Variants in DAP3 observed in about 807,000 individuals in gnomAD.
DAP3 encodes death associated protein 3, also known as small ribosomal subunit protein mS29.
In DAP3, 28 loss-of-function variants were observed where a neutral mutation model predicts 51.9. That is an observed-to-expected ratio of 0.54 (90% CI 0.40 to 0.74). The LOEUF (loss-of-function observed/expected upper bound fraction) is 0.74. DAP3 is among the 30% of genes least tolerant of loss of function. The pLI is 0.00. For synonymous variants in DAP3, 170 were observed against 170.3 expected (o/e 1.00, Z 0.01); for missense variants, 458 against 483.5 (o/e 0.95, Z 0.49).
chr1:155,738,368 C>G lies in DAP3; in HGVS notation c.*126C>G. On this transcript the variant is annotated 3_prime_UTR_variant, in exon 13 of 13. Transcript: ENST00000368336. ...CTTGTACCTATGGGATTGGACAGGA[C>G]TGCAGTTGGCTCTGGACCTGCATTA... is the stretch of plus-strand genomic sequence containing the variant. The G allele has an allele frequency of 1.1e-6, 1 of 905,736 alleles. No homozygotes were observed. The highest frequency in any genetic ancestry group is 1.7e-6 in the Non-Finnish European group (1 of 604,962). The allele number at this position is 905,736 out of a possible 1,614,324, so 56.1% of individuals were successfully genotyped here. A position where few individuals can be genotyped will look rare whatever the true frequency, so the allele number is the denominator to read the frequency against.
intron 4 of DAP3, among the ~76,000 whole-genome samples, chr1:155,723,265 C>G (rs533120113): frequency 1.4e-4 from 22 of 152,210 alleles, no homozygotes; most frequent in Middle Eastern, 3.4e-3. Context: ...TGGGCTCAAG[C>G]GATCCTCCTG....
intron 1 of DAP3, among the ~76,000 whole-genome samples, chr1:155,695,019 A>G (rs1384257079): frequency 1.3e-5 from 2 of 152,188 alleles, no homozygotes; most frequent in Admixed American, 1.3e-4. Context: ...GGCTCGCTCA[A>G]CAATCGCTTG....
chr1:155,704,491 G>T (rs1050677268), intron 1 of DAP3, among the ~76,000 whole-genome samples: 5 of 152,148 alleles, frequency 3.3e-5, no homozygotes, highest in African/African-American at 1.2e-4. Flanking sequence ...GGAGCACAGT[G>T]GGGCAGGTCA....
upstream of DAP3, chr1:155,688,961 T>TCGC (rs1388704331): frequency 1.9e-6 from 3 of 1,610,780 alleles, no homozygotes; most frequent in Non-Finnish European, 2.5e-6. Flanking sequence ...GCGCTGCGGC[T>TCGC]CGCCTCCTCC....
At chr1:155,707,262 A>C (rs1250260115) in intron 1 of DAP3, among the ~76,000 whole-genome samples, 1 of 151,578 alleles carries the variant, frequency 6.6e-6, no homozygotes, top group Non-Finnish European at 1.5e-5. Context: ...AAATACAAAA[A>C]ATTAGCGGGG....
At chr1:155,721,380 GTA>G (rs909574030) in intron 3 of DAP3, 135 bp from the exon 4 acceptor site, 53 of 392,748 alleles carry the variant, frequency 1.3e-4, no homozygotes, top group Middle Eastern at 7.4e-4. Flanking sequence ...GTATGTATGT[GTA>G]TATATATATG....
Position 155,729,351 on chromosome 1 carries a change from A to G in DAP3, c.828A>G (p.Arg276=), listed in dbSNP as rs1185667260. 1.9e-6 allele frequency: 3 copies of G among 1,613,460 alleles called. No individual in the cohort carries two copies. In the African/African-American group the frequency reaches 4.0e-5, roughly 22 times the overall value. Residue 276 remains arginine, a synonymous_variant, in exon 9 of 13, where the codon AGA becomes AGG. Coordinates refer to ENST00000368336, the MANE Select transcript of DAP3 (RefSeq NM_004632.4). ...NALWGRTTLK[R]EDKSPIAPEE... The stretch of plus-strand genomic sequence containing the variant: ...TTTGGGGAAGAACCACTCTGAAAAG[A>G]GAAGATAAAAGCCCGGTAGGAAAAC...
Position 155,735,124 on chromosome 1 carries a change from G to GA in DAP3, c.994-1813dup, listed in dbSNP as rs1039284619. On this transcript the variant is annotated intron_variant, in intron 11 of 12. Transcript: ENST00000368336. ...CCAAAAAATGAAAAAAAAAAAAAAA[G>GA]AAAAAAAAATTAGCCGGGCGTGGTG... Among the ~76,000 whole-genome samples, 31 of 142,996 alleles carry GA rather than the reference G, an allele frequency of 2.2e-4. 1 individual carries two copies. In the South Asian group the frequency reaches 6.0e-3, roughly 28 times the overall value. 93.8% of individuals were successfully genotyped at this position (142,996 alleles called of 152,430 possible). A position where few individuals can be genotyped will look rare whatever the true frequency, so the allele number is the denominator to read the frequency against.
At chr1:155,708,849 C>T (rs925033362) in intron 1 of DAP3, among the ~76,000 whole-genome samples, 17 of 151,756 alleles carry the variant, frequency 1.1e-4, no homozygotes, top group African/African-American at 3.6e-4. Context: ...GGACTACAGG[C>T]GCCCACCACC....
intron 12 of DAP3, among the ~76,000 whole-genome samples, chr1:155,737,731 G>A (rs865818050): frequency 6.6e-6 from 1 of 151,154 alleles, no homozygotes; most frequent in Non-Finnish European, 1.5e-5. Flanking sequence ...TTGAGACCAG[G>A]CTAGGCAATA....
At chr1:155,699,315 C>G (rs536710885) in intron 1 of DAP3, among the ~76,000 whole-genome samples, 2 of 152,196 alleles carry the variant, frequency 1.3e-5, no homozygotes, top group South Asian at 4.1e-4. Flanking sequence ...GCCTGCATAT[C>G]TAGCCACATT....
At chr1:155,713,848 T>C (rs531266728) in intron 2 of DAP3, among the ~76,000 whole-genome samples, 10 of 152,330 alleles carry the variant, frequency 6.6e-5, no homozygotes, top group African/African-American at 2.4e-4. Flanking sequence ...TGTACAATAC[T>C]GTATTGCCTA....
At chr1:155,728,519 G>A (rs1473323567) in intron 7 of DAP3, among the ~76,000 whole-genome samples, 2 of 152,026 alleles carry the variant, frequency 1.3e-5, no homozygotes, top group East Asian at 1.9e-4. Flanking sequence ...CCGAGATAGC[G>A]CCATTGTACT....
chr1:155,726,530 G>GA (rs1325416781), intron 6 of DAP3, among the ~76,000 whole-genome samples: 3 of 151,900 alleles, frequency 2.0e-5, no homozygotes, highest in African/African-American at 7.2e-5. Flanking sequence ...GACTTCAGGT[G>GA]ATCCACCTGC....
rs1451795539 is a variant in DAP3, at chr1:155,694,625, C to T, written c.-8+5451C>T. Reference sequence around the variant, plus strand: ...TGAAATGTTCATTCGAGCCATCAGGCGTGCTGGGAGTGGAGATCTTGGTTC... The same window carrying T: ...TGAAATGTTCATTCGAGCCATCAGGTGTGCTGGGAGTGGAGATCTTGGTTC... On this transcript the variant is annotated intron_variant, in intron 1 of 12. Transcript: ENST00000368336. Among the ~76,000 whole-genome samples the T allele has an allele frequency of 1.4e-4, 21 of 149,994 alleles. 7 individuals carry two copies. Among genetic ancestry groups the T allele is most frequent in the African/African-American group, 5.1e-4 (20 of 39,300 alleles).
intron 7 of DAP3, 46 bp from the exon 8 acceptor site, chr1:155,728,996 C>T (rs1571552708): frequency 1.2e-6 from 2 of 1,600,398 alleles, no homozygotes; most frequent in African/African-American, 1.3e-5. Flanking sequence ...CACCCTTAGG[C>T]CAAGTAGCCT....
intron 5 of DAP3, 99 bp from the exon 6 acceptor site, chr1:155,725,828 C>A: frequency 9.3e-7 from 1 of 1,078,048 alleles, no homozygotes; most frequent in Non-Finnish European, 1.4e-6. Flanking sequence ...CAAGCCACTG[C>A]ACTCCAACCC....
Position 155,738,324 on chromosome 1 carries a change from C to A in DAP3, c.*82C>A. On this transcript the variant is annotated 3_prime_UTR_variant, in exon 13 of 13. Transcript: ENST00000368336. ...TAAGATGAGGAAGTCGGGCAGTACA[C>A]AGGAAGAGGAGCCAGGCCCTTGTAC... The A allele has an allele frequency of 6.7e-7, 1 of 1,485,088 alleles. No homozygotes were observed. The highest frequency in any genetic ancestry group is 1.4e-5 in the African/African-American group (1 of 72,186). The allele number at this position is 1,485,088 out of a possible 1,614,324, so 92.0% of individuals were successfully genotyped here.
chr1:155,706,686 G>C (rs1656015925), intron 1 of DAP3, among the ~76,000 whole-genome samples: 1 of 151,852 alleles, frequency 6.6e-6, no homozygotes, highest in South Asian at 2.1e-4. Context: ...AGAATCGCTT[G>C]AGCCCGGGGA....
Sources: allele counts gnomAD v4.1 joint callset (sites outside exome capture counted in the v4.1 genomes callset), GRCh38; gene constraint gnomAD v4.1.1; transcripts MANE v1.5; gene names NCBI Gene and HGNC (gene_info 2026-07-23, HGNC 2026-07-21).